SFMBT2: variants seen among roughly 807,000 people sequenced by gnomAD.
SFMBT2 encodes the protein scm-like with four MBT domains protein 2.
Under a neutral mutation model 110.1 loss-of-function variants are expected in SFMBT2, and 38 were observed. The observed-to-expected ratio is 0.35, with a 90% CI of 0.27 to 0.45. The LOEUF (loss-of-function observed/expected upper bound fraction) is 0.45. Ranked by LOEUF, SFMBT2 falls within the 20% of genes least tolerant of loss-of-function variation. The pLI is 1.00. For synonymous variants in SFMBT2, 425 were observed against 425.4 expected, an observed-to-expected ratio of 1.00 and a Z score of 0.01; for missense variants, 1,011 against 1,094.9, an observed-to-expected ratio of 0.92 and a Z score of 1.08.
rs1837879441 is a variant in SFMBT2, at chr10:7,171,835, TA to T, written c.2415+59del. 2.9e-6 allele frequency: 4 copies of T among 1,364,032 alleles called. No individual in the cohort carries two copies. In the South Asian group the frequency reaches 6.9e-5, roughly 23 times the overall value. 84.5% of individuals were successfully genotyped at this position (1,364,032 alleles called of 1,614,324 possible). A position where few individuals can be genotyped will look rare whatever the true frequency, so the allele number is the denominator to read the frequency against. On this transcript the variant is annotated intron_variant, in intron 19 of 20. Transcript: ENST00000397167. This position sits in a 1 kb window ranked among gnomAD's most constrained non-coding sequence, Gnocchi z 4.9. ...TTCCCCACATCGTGGCCCTGAAGTG[TA>T]ACAGGTGTGCTTCTTCAGACCCAGC...
At chr10:7,329,266 G>T (rs912519447) in intron 4 of SFMBT2, among the ~76,000 whole-genome samples, 1 of 152,158 alleles carries the variant, frequency 6.6e-6, no homozygotes, top group Non-Finnish European at 1.5e-5. Context: ...TGTCAATGAC[G>T]CCTGGCGTGT....
At chr10:7,381,980 G>A (rs1490871992) in intron 1 of SFMBT2, 31 bp from the exon 2 acceptor site, 6 of 1,338,644 alleles carry the variant, frequency 4.5e-6, no homozygotes, top group Non-Finnish European at 6.0e-6. Context: ...AAAAATCAGA[G>A]CAGTTTAATC....
chr10:7,269,298 CCA>C (rs1261771055), intron 7 of SFMBT2, among the ~76,000 whole-genome samples: 1 of 152,030 alleles, frequency 6.6e-6, no homozygotes, highest in Non-Finnish European at 1.5e-5. Context: ...TCATACTGTT[CCA>C]GTTTGTATTC....
intron 2 of SFMBT2, among the ~76,000 whole-genome samples, chr10:7,378,428 A>T (rs1426136684): frequency 4.4e-5 from 2 of 45,106 alleles, no homozygotes; most frequent in Admixed American, 2.5e-4. Flanking sequence ...GATGGGTGTG[A>T]GTGTGGGTGT....
chr10:7,379,299 C>G (rs1258218277), intron 2 of SFMBT2, among the ~76,000 whole-genome samples: 1 of 152,044 alleles, frequency 6.6e-6, no homozygotes. Context: ...CCAGCTGGTC[C>G]CAGAACCAAA....
At position 7,339,078 on chromosome 10, in the gene SFMBT2, A is replaced by G. The variant is rs911934546; in HGVS notation, c.436+28571T>C. 5.3e-5 allele frequency among the ~76,000 whole-genome samples: 8 copies of G among 152,236 alleles called. No individual in the cohort carries two copies. In the East Asian group the frequency reaches 1.5e-3, roughly 29 times the overall value. On this transcript the variant is annotated intron_variant, in intron 4 of 20. Transcript: ENST00000397167. Reference sequence around the variant, plus strand: ...AACACGGCAAAACCCCGTCTCTACTAAAAATACAAAAATTAGCCAGGCATG... The same window carrying G: ...AACACGGCAAAACCCCGTCTCTACTGAAAATACAAAAATTAGCCAGGCATG...
intron 7 of SFMBT2, among the ~76,000 whole-genome samples, chr10:7,268,791 A>G (rs1841477954): frequency 6.6e-6 from 1 of 152,222 alleles, no homozygotes; most frequent in South Asian, 2.1e-4. Flanking sequence ...GATTACAGGC[A>G]TAAGCCACCG....
At chr10:7,362,719 T>C (rs1156339646) in intron 4 of SFMBT2, among the ~76,000 whole-genome samples, 3 of 152,276 alleles carry the variant, frequency 2.0e-5, no homozygotes, top group Non-Finnish European at 4.4e-5. Flanking sequence ...CTCAGTTCTC[T>C]GGTTCCAATG....
chr10:7,233,225 C>T (rs1047095428), intron 9 of SFMBT2, among the ~76,000 whole-genome samples: 2 of 152,138 alleles, frequency 1.3e-5, no homozygotes, highest in African/African-American at 4.8e-5. Context: ...AGGAAGCAGG[C>T]GTTTTTATGT....
intron 11 of SFMBT2, among the ~76,000 whole-genome samples, chr10:7,211,088 C>T (rs2692822): frequency 0.61 from 93,118 of 151,770 alleles, 28,857 homozygotes; most frequent in East Asian, 0.87. Context: ...CAGCGGCCGG[C>T]AAGTGGCAGC....
intron 4 of SFMBT2, among the ~76,000 whole-genome samples, chr10:7,320,320 T>C (rs938957081): frequency 6.6e-6 from 1 of 152,228 alleles, no homozygotes; most frequent in Admixed American, 6.5e-5. Context: ...CTTCCAATCA[T>C]GTGGTAAGTG....
At chr10:7,210,655 A>C (rs1839314383) in intron 11 of SFMBT2, among the ~76,000 whole-genome samples, 1 of 152,240 alleles carries the variant, frequency 6.6e-6, no homozygotes, top group African/African-American at 2.4e-5. Context: ...GCAAAACACC[A>C]GCAGAATGCA....
chr10:7,282,986 C>T (rs1445692257), intron 6 of SFMBT2, among the ~76,000 whole-genome samples: 2 of 152,076 alleles, frequency 1.3e-5, no homozygotes, highest in Non-Finnish European at 2.9e-5. Flanking sequence ...AAGAGGAGGC[C>T]GGTAAGAGGG....
At chr10:7,220,124 A>G (rs935990640) in intron 11 of SFMBT2, among the ~76,000 whole-genome samples, 3 of 152,192 alleles carry the variant, frequency 2.0e-5, no homozygotes, top group African/African-American at 7.2e-5. Context: ...CATTAATTTA[A>G]TTGTGACATT....
chr10:7,185,685 A>G (rs1362920408), intron 16 of SFMBT2, among the ~76,000 whole-genome samples: 1 of 152,246 alleles, frequency 6.6e-6, no homozygotes, highest in African/African-American at 2.4e-5. Flanking sequence ...AGAATTATTA[A>G]GCTTCTGCCT....
intron 8 of SFMBT2, among the ~76,000 whole-genome samples, chr10:7,244,611 A>G (rs1036364738): frequency 6.6e-6 from 1 of 152,246 alleles, no homozygotes; most frequent in Admixed American, 6.5e-5. Context: ...CAGATGGACC[A>G]TCACTGAAAA....
chr10:7,364,426 G>C (rs1844826142), intron 4 of SFMBT2, among the ~76,000 whole-genome samples: 2 of 152,308 alleles, frequency 1.3e-5, no homozygotes, highest in South Asian at 2.1e-4. Flanking sequence ...GTGTTTCTGA[G>C]AGTGTGTGTG....
At chr10:7,240,969 G>T (rs1840411843) in intron 9 of SFMBT2, among the ~76,000 whole-genome samples, 1 of 152,100 alleles carries the variant, frequency 6.6e-6, no homozygotes, top group South Asian at 2.1e-4. Flanking sequence ...ATCTCATCTT[G>T]AATTGTAACT....
At chr10:7,238,209 T>G (rs892589682) in intron 9 of SFMBT2, among the ~76,000 whole-genome samples, 2 of 152,000 alleles carry the variant, frequency 1.3e-5, no homozygotes, top group Admixed American at 6.5e-5. Flanking sequence ...AGGAACCAGG[T>G]GAGACTCACT....
Sources: gnomAD v4.1 joint callset for allele counts (sites outside exome capture counted in the v4.1 genomes callset) on GRCh38, gnomAD v4.1.1 for gene constraint, Gnocchi (gnomAD v3.1) non-coding constraint, MANE v1.5 for transcripts, NCBI Gene and HGNC (gene_info 2026-07-23, HGNC 2026-07-21) for gene names.